Variants in CSMD1 observed in about 807,000 individuals in gnomAD.
CSMD1 encodes the protein CUB and sushi domain-containing protein 1.
A neutral mutation model predicts 417.5 loss-of-function variants in CSMD1; 213 were observed. That is an observed-to-expected ratio of 0.51 (90% CI 0.46 to 0.57). CSMD1 has a LOEUF of 0.57. Ranked by LOEUF, CSMD1 falls within the 20% of genes least tolerant of loss-of-function variation. CSMD1 has a pLI of 0.00. For missense variants in CSMD1, 6,923 were observed against 4,529.7 expected, an observed-to-expected ratio of 1.53 and a Z score of -15.17; for synonymous variants, 2,862 against 1,736.8, an observed-to-expected ratio of 1.65 and a Z score of -16.11.
chr8:3,607,718 T>A (rs1801689063), intron 8 of CSMD1, among the ~76,000 whole-genome samples: 1 of 152,238 alleles, frequency 6.6e-6, no homozygotes, highest in African/African-American at 2.4e-5. Flanking sequence ...TACGGAGAAC[T>A]ATTCCATATC....
intron 3 of CSMD1, among the ~76,000 whole-genome samples, chr8:4,164,020 G>C (rs966571057): frequency 1.3e-5 from 2 of 152,124 alleles, no homozygotes; most frequent in Non-Finnish European, 1.5e-5. Context: ...AATAAGCAGA[G>C]TAAGCTGTTG....
At chr8:3,566,728 A>G (rs1469803494) in intron 10 of CSMD1, among the ~76,000 whole-genome samples, 6 of 152,218 alleles carry the variant, frequency 3.9e-5, no homozygotes, top group Non-Finnish European at 7.3e-5. Context: ...CCACAATAAG[A>G]TACCATCTCA....
At chr8:4,448,897 G>A (rs887820058) in intron 2 of CSMD1, among the ~76,000 whole-genome samples, 2 of 152,120 alleles carry the variant, frequency 1.3e-5, no homozygotes, top group Non-Finnish European at 2.9e-5. Flanking sequence ...ACACACACAT[G>A]CACACATATT....
chr8:4,916,942 ATG>A (rs1806104082), intron 1 of CSMD1, among the ~76,000 whole-genome samples: 1 of 152,204 alleles, frequency 6.6e-6, no homozygotes, highest in Non-Finnish European at 1.5e-5. Context: ...GGTGTGAGAC[ATG>A]TCATTAGGCA....
chr8:3,462,797 C>T (rs902544280), intron 12 of CSMD1, among the ~76,000 whole-genome samples: 1 of 151,794 alleles, frequency 6.6e-6, no homozygotes. Flanking sequence ...GCTGGGGACT[C>T]TTATCTAAGA....
At chr8:3,935,795 G>A (rs1206368180) in intron 5 of CSMD1, among the ~76,000 whole-genome samples, 1 of 152,074 alleles carries the variant, frequency 6.6e-6, no homozygotes, top group Non-Finnish European at 1.5e-5. Context: ...GCCTACAGTG[G>A]CCTTTATGTG....
At chr8:3,669,313 G>T (rs1336262903) in intron 7 of CSMD1, among the ~76,000 whole-genome samples, 5 of 152,194 alleles carry the variant, frequency 3.3e-5, no homozygotes, top group African/African-American at 1.2e-4. Flanking sequence ...GCCTGTTTGT[G>T]TGAGCAATTA....
At chr8:4,767,226 C>T (rs995892088) in intron 1 of CSMD1, among the ~76,000 whole-genome samples, 12 of 152,098 alleles carry the variant, frequency 7.9e-5, no homozygotes, top group Admixed American at 2.6e-4. Flanking sequence ...TGTACACTGT[C>T]GAGTCCCAAA....
At chr8:4,890,467 C>T (rs1473575541) in intron 1 of CSMD1, among the ~76,000 whole-genome samples, 2 of 149,824 alleles carry the variant, frequency 1.3e-5, no homozygotes, top group South Asian at 2.1e-4. Flanking sequence ...ACTCTGACAC[C>T]CTCTTCTGCT....
chr8:3,506,521 GC>G (rs1796835193), intron 10 of CSMD1, among the ~76,000 whole-genome samples: 1 of 152,180 alleles, frequency 6.6e-6, no homozygotes, highest in African/African-American at 2.4e-5. Context: ...CTATGGAGCA[GC>G]AGTTACACAG....
At chr8:4,391,235 G>A (rs1188523844) in intron 3 of CSMD1, among the ~76,000 whole-genome samples, 1 of 152,122 alleles carries the variant, frequency 6.6e-6, no homozygotes, top group Admixed American at 6.6e-5. Context: ...TGTGTGCAAA[G>A]ACAGCCACCA....
intron 2 of CSMD1, among the ~76,000 whole-genome samples, chr8:4,588,714 G>A (rs764712851): frequency 2.0e-5 from 3 of 151,736 alleles, no homozygotes; most frequent in Admixed American, 2.0e-4. Flanking sequence ...GAACCCGGGA[G>A]GCAGAGGTTG....
intron 6 of CSMD1, among the ~76,000 whole-genome samples, chr8:3,739,314 G>C (rs760210681): frequency 1.3e-5 from 2 of 152,162 alleles, no homozygotes; most frequent in Non-Finnish European, 2.9e-5. Flanking sequence ...AGCTAGACAG[G>C]ATGAATCTGT....
chr8:4,264,653 G>A (rs560975702), intron 3 of CSMD1, among the ~76,000 whole-genome samples: 1 of 152,154 alleles, frequency 6.6e-6, no homozygotes, highest in South Asian at 2.1e-4. Flanking sequence ...GTACATGACA[G>A]CCATATTCAC....
chr8:3,055,741 G>C (rs1292530233), intron 49 of CSMD1, among the ~76,000 whole-genome samples: 2 of 152,188 alleles, frequency 1.3e-5, no homozygotes, highest in East Asian at 3.9e-4. Context: ...TGTCCCAGCA[G>C]CTTAGGCGAA....
Position 3,616,764 on chromosome 8 carries a change from A to T in CSMD1, c.1043T>A (p.Met348Lys). The T allele has an allele frequency of 6.2e-7, 1 of 1,612,534 alleles. No homozygotes were observed. Among genetic ancestry groups the T allele is most frequent in the East Asian group, 2.2e-5 (1 of 44,804 alleles). Residue 348 changes from methionine to lysine, a missense_variant, in exon 8 of 70, where the codon ATG (methionine) becomes AAG (lysine). Physicochemically the swap from Met to Lys is moderately conservative, Grantham distance 95. Transcript: ENST00000635120. ...TTCTGGAATCCCAGGATCTGGACAC[A>T]TGTCAGAGACCAATGCAACACCTCC... ...SQGGVALVSDMCPDPGIPENG... is the reference protein window; with the variant it reads ...SQGGVALVSDKCPDPGIPENG...
intron 5 of CSMD1, among the ~76,000 whole-genome samples, chr8:3,924,080 G>C (rs971053138): frequency 1.3e-5 from 2 of 152,154 alleles, no homozygotes; most frequent in African/African-American, 4.8e-5. Context: ...GGGTATATCT[G>C]GTGGTGATGA....
intron 1 of CSMD1, among the ~76,000 whole-genome samples, chr8:4,711,295 T>C (rs754679058): frequency 6.6e-6 from 1 of 152,206 alleles, no homozygotes. Context: ...GGTCATTTTC[T>C]ATTTATCCAA....
chr8:4,496,659 C>G (rs1393587565), intron 2 of CSMD1, among the ~76,000 whole-genome samples: 1 of 152,096 alleles, frequency 6.6e-6, no homozygotes, highest in Admixed American at 6.6e-5. Flanking sequence ...TTGGTCTCCC[C>G]CTCCCTTTAT....
Sources: allele counts gnomAD v4.1 joint callset (sites outside exome capture counted in the v4.1 genomes callset), GRCh38; gene constraint gnomAD v4.1.1; transcripts MANE v1.5; gene names NCBI Gene and HGNC (gene_info 2026-07-23, HGNC 2026-07-21).